The following PHACTR1 variants were observed in gnomAD, a reference collection of about 807,000 sequenced individuals.
PHACTR1 encodes RPEL repeat containing 1.
In PHACTR1, 16 loss-of-function variants were observed where a neutral mutation model predicts 69.2. The ratio of observed to expected loss-of-function variants is 0.23; its 90% CI spans 0.16 to 0.35. The LOEUF is 0.35. Among genes scored for constraint, PHACTR1 ranks in the 10% least tolerant of loss-of-function variants. PHACTR1 has a pLI of 1.00. For missense variants in PHACTR1, 510 were observed against 734.7 expected (o/e 0.69, Z 3.54); for synonymous variants, 312 against 284.5 (o/e 1.10, Z -0.97).
chr6:13,110,359 T>C (rs1816844017), intron 5 of PHACTR1, among the ~76,000 whole-genome samples: 1 of 152,234 alleles, frequency 6.6e-6, no homozygotes, highest in Non-Finnish European at 1.5e-5. Context: ...TTAACCCTTC[T>C]ATTAAGGCAT....
chr6:13,125,916 G>A (rs1312976084), intron 5 of PHACTR1, among the ~76,000 whole-genome samples: 1 of 151,864 alleles, frequency 6.6e-6, no homozygotes, highest in Admixed American at 6.6e-5. Context: ...GGCAGCAGGA[G>A]TGAGACCCTG....
chr6:13,272,711 G>A (rs369138198), intron 10 of PHACTR1, 149 bp from the exon 11 acceptor site: 30 of 1,583,710 alleles, frequency 1.9e-5, no homozygotes, highest in East Asian at 4.5e-5. Flanking sequence ...CTGAGGAGGC[G>A]GTGGTGGCGA....
At chr6:12,919,008 G>A (rs1207123847) in intron 4 of PHACTR1, among the ~76,000 whole-genome samples, 2 of 152,150 alleles carry the variant, frequency 1.3e-5, no homozygotes, top group Non-Finnish European at 2.9e-5. Context: ...TTGAAATAGA[G>A]ATGGAGACGG....
chr6:12,744,030 A>G (rs1326743647), intron 3 of PHACTR1, among the ~76,000 whole-genome samples: 1 of 152,226 alleles, frequency 6.6e-6, no homozygotes, highest in Non-Finnish European at 1.5e-5. Context: ...CTACATGGAA[A>G]CTGAACAACC....
chr6:12,992,110 T>C (rs575429017), intron 4 of PHACTR1, among the ~76,000 whole-genome samples: 1 of 152,206 alleles, frequency 6.6e-6, no homozygotes, highest in Non-Finnish European at 1.5e-5. Context: ...TCTAGGTTAA[T>C]AGAAGACAAG....
intron 3 of PHACTR1, 90 bp downstream of exon 3, chr6:12,718,937 T>C (rs951241999): frequency 5.9e-6 from 4 of 683,232 alleles, no homozygotes; most frequent in Non-Finnish European, 9.2e-6. Flanking sequence ...AGCCTTGCTC[T>C]GAAAGTTTAA....
intron 4 of PHACTR1, among the ~76,000 whole-genome samples, chr6:12,949,551 C>T (rs1791061479): frequency 6.6e-6 from 1 of 152,118 alleles, no homozygotes; most frequent in African/African-American, 2.4e-5. Context: ...GTGGTATAGA[C>T]ATACATTGGC....
intron 12 of PHACTR1, chr6:13,280,873 G>A: frequency 2.0e-6 from 2 of 1,017,800 alleles, no homozygotes; most frequent in Non-Finnish European, 1.3e-6. Context: ...GCTACAGCCA[G>A]CACCAGGCCA....
intron 5 of PHACTR1, among the ~76,000 whole-genome samples, chr6:13,089,910 A>G (rs1312069172): frequency 1.3e-5 from 2 of 152,208 alleles, no homozygotes; most frequent in Non-Finnish European, 2.9e-5. Flanking sequence ...CCTCCTTGTG[A>G]CATAATAAAT....
chr6:12,718,869 AT>A, intron 3 of PHACTR1, 22 bp downstream of exon 3: 1 of 1,441,942 alleles, frequency 6.9e-7, no homozygotes, highest in African/African-American at 1.4e-5. Flanking sequence ...AGAAAAAGAA[AT>A]TCCTCTTATT....
rs1274419221 is a variant in PHACTR1, at chr6:13,230,167, G to A, written c.1365G>A (p.Arg455=). ...CGGATGAGGAGCGGCTGGAGCTGAG[G>A]CAACAGATTGGCACCAAGCTCACCA... ...RQTDEERLEL[R]QQIGTKLTRR... Residue 455 remains arginine, a synonymous_variant, in exon 10 of 15, where the codon AGG becomes AGA. Transcript: ENST00000332995. The A allele has an allele frequency of 6.2e-7, 1 of 1,610,870 alleles. No homozygotes were observed. The highest frequency in any genetic ancestry group is 2.2e-5 in the East Asian group (1 of 44,690).
chr6:12,741,711 T>C (rs1284397092), intron 3 of PHACTR1, among the ~76,000 whole-genome samples: 1 of 151,712 alleles, frequency 6.6e-6, no homozygotes, highest in Non-Finnish European at 1.5e-5. Flanking sequence ...GTCAAGATTG[T>C]GCTGGTCTTC....
At chr6:13,198,146 AG>A (rs1764692150) in intron 7 of PHACTR1, among the ~76,000 whole-genome samples, 1 of 152,242 alleles carries the variant, frequency 6.6e-6, no homozygotes, top group African/African-American at 2.4e-5. Flanking sequence ...ACTATGCACT[AG>A]GCTTAGTTCA....
intron 5 of PHACTR1, among the ~76,000 whole-genome samples, chr6:13,069,784 G>A (rs181555528): frequency 3.9e-5 from 6 of 152,116 alleles, no homozygotes; most frequent in Admixed American, 1.3e-4. Flanking sequence ...TGAAATACAC[G>A]TGACCCTTTC....
chr6:12,977,741 T>G (rs542754188), intron 4 of PHACTR1, among the ~76,000 whole-genome samples: 1 of 152,242 alleles, frequency 6.6e-6, no homozygotes, highest in African/African-American at 2.4e-5. Context: ...TTGAGAAACA[T>G]AGTGGGCCAT....
chr6:12,944,517 T>G (rs1790391498), intron 4 of PHACTR1, among the ~76,000 whole-genome samples: 1 of 152,214 alleles, frequency 6.6e-6, no homozygotes, highest in South Asian at 2.1e-4. Flanking sequence ...AGTAAACCTT[T>G]TAAAAAATAA....
At chr6:12,984,420 C>T (rs941588528) in intron 4 of PHACTR1, among the ~76,000 whole-genome samples, 1 of 152,172 alleles carries the variant, frequency 6.6e-6, no homozygotes, top group Non-Finnish European at 1.5e-5. Context: ...AACAAAGTAG[C>T]TCCTTCCAGA....
chr6:13,197,539 CCTTT>C (rs1764604448), intron 7 of PHACTR1, among the ~76,000 whole-genome samples: 2 of 151,588 alleles, frequency 1.3e-5, no homozygotes, highest in South Asian at 4.2e-4. Context: ...CTTCTGAGTT[CCTTT>C]TTTTTTTATT....
chr6:13,248,795 A>C (rs1773943331), intron 10 of PHACTR1, among the ~76,000 whole-genome samples: 2 of 152,190 alleles, frequency 1.3e-5, no homozygotes, highest in Non-Finnish European at 2.9e-5. Context: ...GCTACCAAAA[A>C]TCTAATCTGC....
Sources: gnomAD v4.1 joint callset for allele counts (sites outside exome capture counted in the v4.1 genomes callset) on GRCh38, gnomAD v4.1.1 for gene constraint, MANE v1.5 for transcripts, NCBI Gene and HGNC (gene_info 2026-07-23, HGNC 2026-07-21) for gene names.